The following TEAD1 variants were observed in gnomAD, a reference collection of about 807,000 sequenced individuals.
The protein encoded by TEAD1 is transcriptional enhancer factor TEF-1.
Under a neutral mutation model 54.9 loss-of-function variants are expected in TEAD1, and 9 were observed. The ratio of observed to expected loss-of-function variants is 0.16; its 90% confidence interval spans 0.10 to 0.29. The LOEUF (loss-of-function observed/expected upper bound fraction) is 0.29. Ranked by LOEUF, TEAD1 falls within the 10% of genes least tolerant of loss-of-function variation. The pLI, the probability that TEAD1 is intolerant of heterozygous loss-of-function variation, is 1.00. For synonymous variants in TEAD1, 200 were observed against 187.8 expected (o/e 1.07, Z -0.53); for missense variants, 387 against 535.9 (o/e 0.72, Z 2.74).
At chr11:12,835,841 A>T (rs1946878193) in intron 3 of TEAD1, among the ~76,000 whole-genome samples, 1 of 152,236 alleles carries the variant, frequency 6.6e-6, no homozygotes, top group East Asian at 1.9e-4. Flanking sequence ...TTGGGGGTGG[A>T]TGGAGAAAGG....
intron 3 of TEAD1, among the ~76,000 whole-genome samples, chr11:12,766,203 G>C (rs1275661343): frequency 6.6e-6 from 1 of 152,204 alleles, no homozygotes; most frequent in Non-Finnish European, 1.5e-5. Flanking sequence ...ATAAGGTTTT[G>C]GGGCTGAGAA....
chr11:12,907,240 G>A (rs972090772), intron 10 of TEAD1, among the ~76,000 whole-genome samples: 3 of 152,190 alleles, frequency 2.0e-5, no homozygotes, highest in Admixed American at 1.3e-4. Context: ...TGTGTGTAAC[G>A]TATGCTTCAG....
intron 3 of TEAD1, among the ~76,000 whole-genome samples, chr11:12,816,044 G>A (rs1047676040): frequency 1.3e-5 from 2 of 152,198 alleles, no homozygotes; most frequent in African/African-American, 2.4e-5. Context: ...CCTAGACAGG[G>A]CCTCTGTTAA....
intron 2 of TEAD1, among the ~76,000 whole-genome samples, chr11:12,755,505 T>C (rs892990066): frequency 6.6e-6 from 1 of 152,188 alleles, no homozygotes; most frequent in African/African-American, 2.4e-5. Flanking sequence ...CACAGGCTAC[T>C]GGAATTGGGG....
At chr11:12,745,502 T>A (rs1172010482) in intron 2 of TEAD1, among the ~76,000 whole-genome samples, 1 of 151,374 alleles carries the variant, frequency 6.6e-6, no homozygotes, top group Non-Finnish European at 1.5e-5. Flanking sequence ...TCTGAAAAGC[T>A]AAAAAAAATT....
At chr11:12,758,934 C>A (rs1277679360) in intron 2 of TEAD1, among the ~76,000 whole-genome samples, 1 of 152,170 alleles carries the variant, frequency 6.6e-6, no homozygotes, top group African/African-American at 2.4e-5. Flanking sequence ...ACTGGAGCTA[C>A]AGGTGCTGTG....
intron 3 of TEAD1, among the ~76,000 whole-genome samples, chr11:12,778,328 T>C (rs1476640950): frequency 6.6e-6 from 1 of 152,124 alleles, no homozygotes; most frequent in South Asian, 2.1e-4. Flanking sequence ...AGGTAAACAA[T>C]AGAAAAGAAA....
intron 3 of TEAD1, among the ~76,000 whole-genome samples, chr11:12,765,047 A>G (rs1945178365): frequency 6.6e-6 from 1 of 152,010 alleles, no homozygotes; most frequent in Admixed American, 6.5e-5. Context: ...ATGGTCAGAC[A>G]AGGCATTAGC....
chr11:12,800,950 T>C (rs759415994), intron 3 of TEAD1, among the ~76,000 whole-genome samples: 1 of 152,166 alleles, frequency 6.6e-6, no homozygotes, highest in South Asian at 2.1e-4. Context: ...TGGCACAGAA[T>C]TGGTGGTTTA....
intron 3 of TEAD1, among the ~76,000 whole-genome samples, chr11:12,808,200 G>A (rs1946218229): frequency 6.6e-6 from 1 of 151,920 alleles, no homozygotes; most frequent in Non-Finnish European, 1.5e-5. Flanking sequence ...AGTCTTCCTT[G>A]GGAATAATCA....
At chr11:12,787,251 A>T (rs527934437) in intron 3 of TEAD1, among the ~76,000 whole-genome samples, 1 of 152,340 alleles carries the variant, frequency 6.6e-6, no homozygotes, top group South Asian at 2.1e-4. Flanking sequence ...TGGACACAGC[A>T]TCACCTTGCA....
chr11:12,867,724 G>A (rs1445794440), intron 5 of TEAD1, among the ~76,000 whole-genome samples: 1 of 152,140 alleles, frequency 6.6e-6, no homozygotes, highest in East Asian at 1.9e-4. Context: ...ATGGGGTCAG[G>A]CTGATAGCCA....
At chr11:12,858,155 G>A (rs1389474708) in intron 3 of TEAD1, among the ~76,000 whole-genome samples, 2 of 152,136 alleles carry the variant, frequency 1.3e-5, no homozygotes, top group African/African-American at 2.4e-5. Flanking sequence ...TATCAGGGCC[G>A]CTGACAAGAC....
chr11:12,889,217 G>C (rs573295269), intron 9 of TEAD1, among the ~76,000 whole-genome samples: 1 of 152,204 alleles, frequency 6.6e-6, no homozygotes, highest in East Asian at 1.9e-4. Context: ...CCCAGGGTGG[G>C]CTATTTAAAA....
chr11:12,809,179 A>G (rs1400471388), intron 3 of TEAD1, among the ~76,000 whole-genome samples: 1 of 152,168 alleles, frequency 6.6e-6, no homozygotes, highest in African/African-American at 2.4e-5. Context: ...AGGACACCAG[A>G]GCGGCAGGCT....
chr11:12,774,893 G>A (rs1945386989), intron 3 of TEAD1, among the ~76,000 whole-genome samples: 1 of 152,070 alleles, frequency 6.6e-6, no homozygotes, highest in African/African-American at 2.4e-5. Context: ...GGAGGAGGGA[G>A]AGGATTGGGA....
chr11:12,881,106 G>A, intron 7 of TEAD1, 55 bp downstream of exon 7: 13 of 1,586,328 alleles, frequency 8.2e-6, no homozygotes, highest in South Asian at 1.1e-5. Context: ...CAGCCCACGT[G>A]GGGAGAGCTC....
rs377746329 is a variant in TEAD1 at position 12,924,587 on chromosome 11, C to T, written c.874-325C>T. 6.6e-5 allele frequency among the ~76,000 whole-genome samples: 10 copies of T among 152,120 alleles called. No individual in the cohort carries two copies. The East Asian group carries it at 1.7e-3, about 26-fold the overall frequency. Reference sequence around the variant, plus strand: ...TCTCTAAAGATGAGTGAACATGAATCCAATTAATATCCTGCTTTCTGTGCA... The same window carrying T: ...TCTCTAAAGATGAGTGAACATGAATTCAATTAATATCCTGCTTTCTGTGCA... On this transcript the variant is annotated intron_variant, in intron 10 of 12. Transcript: ENST00000527636.
chr11:12,844,817 AT>A (rs927638820), intron 3 of TEAD1, among the ~76,000 whole-genome samples: 8 of 152,068 alleles, frequency 5.3e-5, no homozygotes, highest in African/African-American at 1.9e-4. Context: ...GATTATTGTG[AT>A]TAAGAGGAAA....
Sources: allele counts gnomAD v4.1 joint callset (sites outside exome capture counted in the v4.1 genomes callset), GRCh38; gene constraint gnomAD v4.1.1; transcripts MANE v1.5; gene names NCBI Gene and HGNC (gene_info 2026-07-23, HGNC 2026-07-21).